The following CLIC4 variants were observed in gnomAD, a reference collection of about 807,000 sequenced individuals.
CLIC4 encodes CLIC family member 4, also known as chloride intracellular channel protein 4.
Under a neutral mutation model 24.6 loss-of-function variants are expected in CLIC4, and 13 were observed. The ratio of observed to expected loss-of-function variants is 0.53; its 90% confidence interval spans 0.34 to 0.84. CLIC4 has a LOEUF of 0.84. Ranked by LOEUF, CLIC4 falls within the 40% of genes least tolerant of loss-of-function variation. CLIC4 has a pLI of 0.01. For missense variants in CLIC4, 227 were observed against 301.7 expected (o/e 0.75, Z 1.83); for synonymous variants, 104 against 111.3 (o/e 0.93, Z 0.41).
intron 4 of CLIC4, among the ~76,000 whole-genome samples, chr1:24,838,943 A>T (rs527481849): frequency 6.6e-6 from 1 of 152,252 alleles, no homozygotes; most frequent in East Asian, 1.9e-4. Context: ...AGAGCATCTT[A>T]ATCTATTTGG....
intron 5 of CLIC4, among the ~76,000 whole-genome samples, chr1:24,840,415 A>G (rs1406235786): frequency 6.6e-6 from 1 of 152,224 alleles, no homozygotes; most frequent in Non-Finnish European, 1.5e-5. Context: ...GGCTGGGCAC[A>G]TTGTTAAATA....
intron 1 of CLIC4, among the ~76,000 whole-genome samples, chr1:24,755,947 G>A (rs1248792677): frequency 6.7e-6 from 1 of 149,202 alleles, no homozygotes; most frequent in Non-Finnish European, 1.5e-5. Flanking sequence ...TCAACCTCCT[G>A]AGTAGCTGGG....
intron 1 of CLIC4, chr1:24,771,965 T>G: frequency 2.4e-6 from 1 of 422,190 alleles, no homozygotes; most frequent in Middle Eastern, 3.5e-4. Context: ...AGGCTTGGCT[T>G]AAGCTTAGGC....
intron 1 of CLIC4, among the ~76,000 whole-genome samples, chr1:24,750,517 C>A (rs1317671277): frequency 6.6e-6 from 1 of 150,892 alleles, no homozygotes; most frequent in Admixed American, 6.6e-5. Context: ...AGGTGTGCAC[C>A]ACCACACCTG....
chr1:24,756,757 G>A lies in CLIC4; in HGVS notation c.72+11132G>A, dbSNP rs3122051. Among the ~76,000 whole-genome samples the A allele has an allele frequency of 5.8e-3, 886 of 152,154 alleles. 4 individuals are homozygous for A. The highest frequency in any genetic ancestry group is 0.02 in the African/African-American group (838 of 41,490). ...TTTTTTTGAAATGGAGTCTCACTCT[G>A]TCGCCTAGGCTGGAGTGCAGTGGCG... On this transcript the variant is annotated intron_variant, in intron 1 of 5. Transcript: ENST00000374379.
chr1:24,758,496 C>T (rs951732462), intron 1 of CLIC4, among the ~76,000 whole-genome samples: 1 of 151,640 alleles, frequency 6.6e-6, no homozygotes, highest in Admixed American at 6.6e-5. Context: ...CTCACTCTGT[C>T]ACCCAGGCTG....
At chr1:24,771,215 C>T (rs1328687849) in intron 1 of CLIC4, among the ~76,000 whole-genome samples, 3 of 152,098 alleles carry the variant, frequency 2.0e-5, no homozygotes, top group African/African-American at 7.2e-5. Flanking sequence ...TAACATATTT[C>T]GGGGTTTTAG....
At chr1:24,753,883 C>A (rs1023746961) in intron 1 of CLIC4, among the ~76,000 whole-genome samples, 1 of 152,000 alleles carries the variant, frequency 6.6e-6, no homozygotes, top group African/African-American at 2.4e-5. Context: ...AACTTCCCCC[C>A]GTCTTTGTTT....
intron 4 of CLIC4, among the ~76,000 whole-genome samples, chr1:24,837,609 C>T (rs1639898491): frequency 6.6e-6 from 1 of 152,192 alleles, no homozygotes; most frequent in Admixed American, 6.5e-5. Context: ...TCAAGCCAAT[C>T]TTTCTTTAAT....
chr1:24,836,960 C>CA (rs1639892044), intron 4 of CLIC4, among the ~76,000 whole-genome samples: 1 of 152,194 alleles, frequency 6.6e-6, no homozygotes, highest in African/African-American at 2.4e-5. Flanking sequence ...AGAATGTCTA[C>CA]ATTTGTGAGA....
intron 4 of CLIC4, among the ~76,000 whole-genome samples, chr1:24,830,287 C>T (rs1207354288): frequency 2.6e-5 from 4 of 152,004 alleles, no homozygotes. Flanking sequence ...TCTGTAAGTA[C>T]GTATTATGTG....
intron 1 of CLIC4, among the ~76,000 whole-genome samples, chr1:24,787,662 A>G (rs1012166918): frequency 6.6e-6 from 1 of 150,616 alleles, no homozygotes; most frequent in African/African-American, 2.4e-5. Flanking sequence ...CAGCCTCCCA[A>G]GTAGCTGGGA....
chr1:24,773,523 A>G (rs1557798903), intron 1 of CLIC4, among the ~76,000 whole-genome samples: 1 of 150,714 alleles, frequency 6.6e-6, no homozygotes, highest in Non-Finnish European at 1.5e-5. Flanking sequence ...GCAGTTAGTG[A>G]ATTTATCTTT....
intron 1 of CLIC4, among the ~76,000 whole-genome samples, chr1:24,767,024 TAAAAAAAAA>T (rs34142565): frequency 8.4e-5 from 6 of 71,124 alleles, no homozygotes; most frequent in African/African-American, 4.2e-4. Context: ...GCTGATGAGC[TAAAAAAAAA>T]AAAAAAAAAA....
chr1:24,805,104 A>C (rs966098877), intron 2 of CLIC4, among the ~76,000 whole-genome samples: 4 of 127,420 alleles, frequency 3.1e-5, no homozygotes, highest in Non-Finnish European at 5.4e-5. Flanking sequence ...AAAAAAAAAA[A>C]ACACAAAAAC....
intron 1 of CLIC4, among the ~76,000 whole-genome samples, chr1:24,788,476 T>C (rs1003044436): frequency 1.3e-5 from 2 of 152,152 alleles, no homozygotes; most frequent in African/African-American, 4.8e-5. Flanking sequence ...CCACGGGGGA[T>C]TGGTTCCAGG....
intron 1 of CLIC4, among the ~76,000 whole-genome samples, chr1:24,778,957 T>A (rs116550514): frequency 0.03 from 4,571 of 152,366 alleles, 99 homozygotes; most frequent in Middle Eastern, 0.095. Flanking sequence ...ATTCCATTTG[T>A]TATTTCATCT....
chr1:24,784,880 T>A (rs1347061410), intron 1 of CLIC4, among the ~76,000 whole-genome samples: 1 of 151,872 alleles, frequency 6.6e-6, no homozygotes, highest in Non-Finnish European at 1.5e-5. Context: ...GGCGTGCATC[T>A]GTAGTCCCAG....
intron 1 of CLIC4, among the ~76,000 whole-genome samples, chr1:24,761,595 C>G (rs1638928632): frequency 6.6e-6 from 1 of 152,034 alleles, no homozygotes; most frequent in Non-Finnish European, 1.5e-5. Flanking sequence ...TGAATTTTGT[C>G]CTTAGTAGAA....
Sources: gnomAD v4.1 joint callset for allele counts (sites outside exome capture counted in the v4.1 genomes callset) on GRCh38, gnomAD v4.1.1 for gene constraint, MANE v1.5 for transcripts, NCBI Gene and HGNC (gene_info 2026-07-23, HGNC 2026-07-21) for gene names.